Variants in PRRG1 observed in about 807,000 individuals in gnomAD.
The protein encoded by PRRG1 is transmembrane gamma-carboxyglutamic acid protein 1.
A neutral mutation model predicts 11.8 loss-of-function variants in PRRG1; 5 were observed. The observed-to-expected ratio is 0.42, with a 90% CI of 0.22 to 0.89. The LOEUF is 0.89. Among genes scored for constraint, PRRG1 ranks in the 40% least tolerant of loss-of-function variants. The pLI, the probability that PRRG1 is intolerant of heterozygous loss-of-function variation, is 0.28. For synonymous variants in PRRG1, 66 were observed against 60.4 expected, an observed-to-expected ratio of 1.09 and a Z score of -0.43; for missense variants, 155 against 166.1, an observed-to-expected ratio of 0.93 and a Z score of 0.37.
At chrX:37,412,817 G>A (rs782556559) in intron 2 of PRRG1, among the ~76,000 whole-genome samples, 2 of 110,346 alleles carry the variant, frequency 1.8e-5, no homozygotes, top group Non-Finnish European at 3.8e-5. Flanking sequence ...ATAACCTTTG[G>A]CACATAATTT....
rs1556397049 is a variant in PRRG1 at position 37,453,244 on chromosome X, A to T, written c.280A>T (p.Ile94Phe). The T allele has an allele frequency of 8.3e-7, 1 of 1,210,944 alleles. No homozygotes were observed. Among genetic ancestry groups the T allele is most frequent in the Admixed American group, 2.2e-5 (1 of 45,948 alleles). Residue 94 changes from isoleucine (I) to phenylalanine (F), a missense_variant, in exon 4 of 4, where the codon ATC (isoleucine) becomes TTC (phenylalanine). Physicochemically the swap from Ile to Phe is conservative, Grantham distance 21. Coordinates refer to ENST00000378628, the MANE Select transcript of PRRG1 (RefSeq NM_001142395.2). ...TFPLIFGLFI[I>F]LLVIFLIWRC... is the part of the protein sequence containing the mutation. ...TCCGTTAATCTTTGGCCTCTTCATT[A>T]TCCTCCTTGTCATTTTCCTAATCTG... is the stretch of plus-strand genomic sequence containing the variant.
intron 3 of PRRG1, among the ~76,000 whole-genome samples, chrX:37,444,544 CACTT>C (rs1933038865): frequency 8.9e-6 from 1 of 111,784 alleles, no homozygotes; most frequent in African/African-American, 3.3e-5. Flanking sequence ...ATATGTAAAT[CACTT>C]ACAGCAGTGC....
chrX:37,385,760 CT>C (rs782500044), intron 1 of PRRG1, among the ~76,000 whole-genome samples: 127 of 99,792 alleles, frequency 1.3e-3, no homozygotes, highest in Admixed American at 1.2e-3. Context: ...AGATGGCTTC[CT>C]TTTTTTTTTT....
intron 1 of PRRG1, among the ~76,000 whole-genome samples, chrX:37,355,019 C>T (rs1930193850): frequency 9.0e-6 from 1 of 110,826 alleles, no homozygotes; most frequent in African/African-American, 3.3e-5. Flanking sequence ...TCAAGCAATC[C>T]TCCCACCTCA....
chrX:37,382,124 A>G (rs183818270), intron 1 of PRRG1, among the ~76,000 whole-genome samples: 4 of 111,722 alleles, frequency 3.6e-5, no homozygotes, highest in East Asian at 2.8e-4. Context: ...GTCGGAATCA[A>G]TTATTCCACA....
chrX:37,350,129 C>G (rs1192722901), intron 1 of PRRG1, among the ~76,000 whole-genome samples: 1 of 110,741 alleles, frequency 9.0e-6, no homozygotes, highest in Non-Finnish European at 1.9e-5. Context: ...TTCCTTCTTC[C>G]TGGTCCGCTG....
At position 37,438,005 on chromosome X, in the gene PRRG1, C is replaced by T. The variant is rs576377101; in HGVS notation, c.171+12005C>T. The stretch of plus-strand genomic sequence containing the variant: ...GGCAGATCACGTGAGGTCAGGAGTT[C>T]GAGACCAGCCTAGCCAACATGGTAA... On this transcript the variant is annotated intron_variant, in intron 3 of 3. Coordinates refer to ENST00000378628, the MANE Select transcript of PRRG1 (RefSeq NM_001142395.2). Among the ~76,000 whole-genome samples the T allele has an allele frequency of 1.6e-4, 17 of 109,202 alleles. No homozygotes were observed. The South Asian group carries it at 5.3e-3, about 34-fold the overall frequency. The allele number at this position is 109,202 out of a possible 115,157, so 94.8% of individuals were successfully genotyped here.
chrX:37,411,880 T>G (rs1201650253), intron 2 of PRRG1, among the ~76,000 whole-genome samples: 1 of 112,170 alleles, frequency 8.9e-6, no homozygotes, highest in Non-Finnish European at 1.9e-5. Context: ...GCTTAATGAT[T>G]GCAATCAGGC....
rs1468047683 is a variant in PRRG1 at position 37,456,177 on chromosome X, G to C, written c.*2556G>C. ...AGGTTTTTTTAGTATGGTGAATATTGATAGATATAAACCTCATGAACAAAA... is the reference window on the plus strand; with the variant it reads ...AGGTTTTTTTAGTATGGTGAATATTCATAGATATAAACCTCATGAACAAAA... On this transcript the variant is annotated 3_prime_UTR_variant, in exon 4 of 4. Transcript: ENST00000378628. 11 of 111,592 alleles carry C rather than the reference G, an allele frequency of 9.9e-5. No individual in the cohort carries two copies. Among genetic ancestry groups the C allele is most frequent in the African/African-American group, 3.6e-4 (11 of 30,698 alleles). The allele number at this position is 111,592 out of a possible 1,213,427, so 9.2% of individuals were successfully genotyped here. A position where few individuals can be genotyped will look rare whatever the true frequency, so the allele number is the denominator to read the frequency against.
rs781810021 is a variant in PRRG1, at chrX:37,395,859, C to G, written c.-41-10350C>G. Among the ~76,000 whole-genome samples the G allele has an allele frequency of 2.4e-3, 264 of 111,312 alleles. 2 individuals carry two copies. The highest frequency in any genetic ancestry group is 4.0e-3 in the Non-Finnish European group (211 of 53,102). On this transcript the variant is annotated intron_variant, in intron 1 of 3. Transcript: ENST00000378628. ...AATATATAAAAGAGCCTAACATTTT[C>G]CCTAGTATATTATAACATAGTAATT...
rs781983708 is a variant in PRRG1, at chrX:37,453,610, A to C, written c.646A>C (p.Thr216Pro). The C allele has an allele frequency of 8.6e-7, 1 of 1,165,278 alleles. No individual in the cohort carries two copies. The highest frequency in any genetic ancestry group is 2.7e-5 in the Admixed American group (1 of 37,006). ...CATTCCTATGGTGCCTGTGGTCACC[A>C]CCATCAAATGAAGCTGCAAACTTCT... ...SAIPMVPVVT[T>P]IK Residue 216 changes from threonine (T) to proline (P), a missense_variant, in exon 4 of 4, where the codon ACC becomes CCC. Thr to Pro is a conservative substitution (Grantham distance 38, BLOSUM62 -1). Coordinates refer to ENST00000378628, the MANE Select transcript of PRRG1 (RefSeq NM_001142395.2).
intron 1 of PRRG1, among the ~76,000 whole-genome samples, chrX:37,365,701 TG>T (rs1431213171): frequency 8.9e-6 from 1 of 112,133 alleles, no homozygotes; most frequent in Non-Finnish European, 1.9e-5. Context: ...AGCACTTTCT[TG>T]GGTAGATATT....
chrX:37,376,899 T>G lies in PRRG1; in HGVS notation c.-42+27504T>G, dbSNP rs782726365. Among the ~76,000 whole-genome samples the G allele has an allele frequency of 5.5e-5, 6 of 109,342 alleles. No homozygotes were observed. The South Asian group carries it at 2.4e-3, about 44-fold the overall frequency. 95.0% of individuals were successfully genotyped at this position (109,342 alleles called of 115,157 possible). A position where few individuals can be genotyped will look rare whatever the true frequency, so the allele number is the denominator to read the frequency against. Reference sequence around the variant, plus strand: ...GCTTTTCACAGAATCTGTAAATTTTTTATTAACCTAGTTAGGACTTTTTTG... The same window carrying G: ...GCTTTTCACAGAATCTGTAAATTTTGTATTAACCTAGTTAGGACTTTTTTG... On this transcript the variant is annotated intron_variant, in intron 1 of 3. Transcript: ENST00000378628.
At chrX:37,404,639 G>A (rs1556381497) in intron 1 of PRRG1, among the ~76,000 whole-genome samples, 1 of 110,868 alleles carries the variant, frequency 9.0e-6, no homozygotes, top group African/African-American at 3.3e-5. Flanking sequence ...CAATGGGTGA[G>A]ACTACAACCC....
intron 1 of PRRG1, among the ~76,000 whole-genome samples, chrX:37,373,412 C>T (rs1280426606): frequency 1.8e-5 from 2 of 111,902 alleles, no homozygotes; most frequent in Non-Finnish European, 3.8e-5. Context: ...AATATTAATT[C>T]TTCCATTCCA....
At position 37,456,570 on chromosome X, in the gene PRRG1, C is replaced by T. The variant is rs1355914922; in HGVS notation, c.*2949C>T. 8.9e-6 allele frequency: 1 copy of T among 111,911 alleles called. No homozygotes were observed. Among genetic ancestry groups the T allele is most frequent in the African/African-American group, 3.2e-5 (1 of 30,806 alleles). The allele number at this position is 111,911 out of a possible 1,213,427, so 9.2% of individuals were successfully genotyped here. Reference sequence around the variant, plus strand: ...GATAATGATAGGATAAACAAAATACCACTGTCTTCAAGAAACATTATCTTA... The same window carrying T: ...GATAATGATAGGATAAACAAAATACTACTGTCTTCAAGAAACATTATCTTA... On this transcript the variant is annotated 3_prime_UTR_variant, in exon 4 of 4. Coordinates refer to ENST00000378628, the MANE Select transcript of PRRG1 (RefSeq NM_001142395.2).
intron 1 of PRRG1, among the ~76,000 whole-genome samples, chrX:37,398,852 G>A (rs782621022): frequency 0.044 from 4,873 of 110,763 alleles, 289 homozygotes; most frequent in African/African-American, 0.15. Flanking sequence ...CTCAGGAGCC[G>A]ATGCGATCAA....
At chrX:37,373,361 T>C (rs1601977669) in intron 1 of PRRG1, among the ~76,000 whole-genome samples, 2 of 112,185 alleles carry the variant, frequency 1.8e-5, no homozygotes, top group East Asian at 5.5e-4. Flanking sequence ...AGGGATTCCA[T>C]TGAATCTATA....
chrX:37,416,136 C>G, intron 2 of PRRG1, among the ~76,000 whole-genome samples: 1 of 112,077 alleles, frequency 8.9e-6, no homozygotes, highest in Admixed American at 9.5e-5. Context: ...CAATGAAACT[C>G]CATTTCTTAA....
Sources: gnomAD v4.1 joint callset for allele counts (sites outside exome capture counted in the v4.1 genomes callset) on GRCh38, gnomAD v4.1.1 for gene constraint, MANE v1.5 for transcripts, NCBI Gene and HGNC (gene_info 2026-07-23, HGNC 2026-07-21) for gene names.